DLC1: variants seen among roughly 807,000 people sequenced by gnomAD.
DLC1 encodes the protein DLC1 Rho GTPase activating protein, also known as rho GTPase-activating protein 7.
DLC1 carries 54 observed loss-of-function variants against 140.3 expected under a neutral mutation model. That is an observed-to-expected ratio of 0.38 (90% CI 0.31 to 0.48). The LOEUF is 0.48. DLC1 is among the 20% of genes least tolerant of loss of function. DLC1 has a pLI of 0.96. For missense variants in DLC1, 2,536 were observed against 1,907.0 expected (o/e 1.33, Z -6.14); for synonymous variants, 986 against 728.1 (o/e 1.35, Z -5.70).
At chr8:13,255,416 T>A (rs7010017) in intron 5 of DLC1, among the ~76,000 whole-genome samples, 13,846 of 152,272 alleles carry the variant, frequency 0.091, 721 homozygotes, top group South Asian at 0.17. Context: ...TAAATGACAT[T>A]ATTGTCATTT....
intron 5 of DLC1, among the ~76,000 whole-genome samples, chr8:13,202,406 C>G (rs551181270): frequency 4.6e-5 from 7 of 152,224 alleles, no homozygotes; most frequent in Non-Finnish European, 1.0e-4. Context: ...CAAACACTTG[C>G]CATTTCTTTG....
At chr8:13,097,599 A>G (rs1018886103) in intron 10 of DLC1, among the ~76,000 whole-genome samples, 1 of 152,192 alleles carries the variant, frequency 6.6e-6, no homozygotes, top group Non-Finnish European at 1.5e-5. Flanking sequence ...GAATACGGTT[A>G]TAAGACCAGG....
chr8:13,528,431 T>A (rs1156431212), intron 1 of DLC1, among the ~76,000 whole-genome samples: 1 of 152,196 alleles, frequency 6.6e-6, no homozygotes, highest in Non-Finnish European at 1.5e-5. Context: ...GCAAAAACGT[T>A]GCCAAAATTC....
At chr8:13,473,458 G>T (rs977989319) in intron 2 of DLC1, among the ~76,000 whole-genome samples, 1 of 152,088 alleles carries the variant, frequency 6.6e-6, no homozygotes, top group Admixed American at 6.6e-5. Flanking sequence ...TCTTCCTTCT[G>T]CCATGATACA....
chr8:13,237,891 GAAAGAAAGAAAGA>G (rs1829363144), intron 5 of DLC1, among the ~76,000 whole-genome samples: 2 of 150,950 alleles, frequency 1.3e-5, no homozygotes, highest in South Asian at 4.2e-4. Context: ...TACATATATT[GAAAGAAAGAAAGA>G]AAAGAAAGAA....
rs979010299 is a variant in DLC1 at position 13,088,756 on chromosome 8, T to A, written c.4075-52A>T. On this transcript the variant is annotated intron_variant, in intron 15 of 17. Transcript: ENST00000276297. ...CCAAGGCAATCCATACACACCTAGT[T>A]TTTGAAGTCGAATTGTTAGTTAGAC... The A allele has an allele frequency of 2.6e-6, 4 of 1,552,404 alleles. No homozygotes were observed. The African/African-American group carries it at 5.5e-5, about 21-fold the overall frequency.
rs1339142439 is a variant in DLC1 at position 13,431,178 on chromosome 8, C to G, written c.1024-29559G>C. ...GAAGTCCAAGAGGATGACTGAGGCA[C>G]AGATGTGTTCAAGAATCAAGCATTG... On this transcript the variant is annotated intron_variant, in intron 2 of 17. Coordinates refer to ENST00000276297, the MANE Select transcript of DLC1 (RefSeq NM_182643.3). Among the ~76,000 whole-genome samples the G allele has an allele frequency of 3.3e-5, 5 of 152,074 alleles. No homozygotes were observed. The South Asian group carries it at 1.0e-3, about 31-fold the overall frequency.
intron 1 of DLC1, chr8:13,567,042 C>T: frequency 1.3e-6 from 2 of 1,551,608 alleles, no homozygotes; most frequent in Non-Finnish European, 1.7e-6. Flanking sequence ...CTCTTGCAAA[C>T]CTTTCTGATG....
At chr8:13,262,711 C>T (rs1393221748) in intron 5 of DLC1, among the ~76,000 whole-genome samples, 3 of 152,164 alleles carry the variant, frequency 2.0e-5, no homozygotes, top group African/African-American at 7.2e-5. Flanking sequence ...CAGGCATGAG[C>T]CACTGCGCCT....
Position 13,283,313 on chromosome 8 carries a change from C to T in DLC1, c.1348+21956G>A, listed in dbSNP as rs1479884614. On this transcript the variant is annotated intron_variant, in intron 5 of 17. Coordinates refer to ENST00000276297, the MANE Select transcript of DLC1 (RefSeq NM_182643.3). ...ACTGAAACACACACACACACACACACACACACACACACAGAAAAGAAATCA... is the reference window on the plus strand; with the variant it reads ...ACTGAAACACACACACACACACACATACACACACACACAGAAAAGAAATCA... Among the ~76,000 whole-genome samples the T allele has an allele frequency of 3.3e-5, 5 of 151,732 alleles. No individual in the cohort carries two copies. In the East Asian group the frequency reaches 9.6e-4, roughly 29 times the overall value.
intron 10 of DLC1, chr8:13,095,513 C>G (rs1818436283): frequency 2.3e-6 from 1 of 437,022 alleles, no homozygotes; most frequent in African/African-American, 2.0e-5. Context: ...TTCTCCTGGA[C>G]AGTGCTGTTC....
At chr8:13,488,486 T>C (rs1209706871) in intron 2 of DLC1, among the ~76,000 whole-genome samples, 1 of 152,074 alleles carries the variant, frequency 6.6e-6, no homozygotes, top group Non-Finnish European at 1.5e-5. Context: ...AGCTAAAAAA[T>C]AGAAGTTTGA....
chr8:13,595,529 G>A (rs551770658), intron 1 of DLC1, among the ~76,000 whole-genome samples: 43 of 152,102 alleles, frequency 2.8e-4, no homozygotes, highest in African/African-American at 9.9e-4. Flanking sequence ...ATAAATACCA[G>A]ATAAATGTTA....
At chr8:13,361,652 A>G (rs546473896) in intron 4 of DLC1, among the ~76,000 whole-genome samples, 123 of 152,260 alleles carry the variant, frequency 8.1e-4, no homozygotes, top group Admixed American at 1.9e-3. Context: ...TCCCCTTTAC[A>G]TATTATTATT....
At chr8:13,417,863 C>A (rs1324714928) in intron 2 of DLC1, among the ~76,000 whole-genome samples, 2 of 152,186 alleles carry the variant, frequency 1.3e-5, no homozygotes, top group African/African-American at 2.4e-5. Context: ...CACATCCTCT[C>A]CAGCACCTGT....
intron 5 of DLC1, among the ~76,000 whole-genome samples, chr8:13,267,662 A>G (rs1366259665): frequency 6.6e-6 from 1 of 151,994 alleles, no homozygotes; most frequent in Non-Finnish European, 1.5e-5. Context: ...TACACCAGCA[A>G]CCTATAACTC....
At chr8:13,426,728 C>A (rs184338448) in intron 2 of DLC1, among the ~76,000 whole-genome samples, 27 of 152,218 alleles carry the variant, frequency 1.8e-4, no homozygotes, top group African/African-American at 6.3e-4. Flanking sequence ...TTTCTATGTT[C>A]TTCATATTTC....
At chr8:13,359,190 G>A (rs56061330) in intron 4 of DLC1, among the ~76,000 whole-genome samples, 28,719 of 152,070 alleles carry the variant, frequency 0.19, 3,007 homozygotes, top group Non-Finnish European at 0.24. Flanking sequence ...CCAGTGCCTC[G>A]GCCTCCCAAA....
intron 4 of DLC1, among the ~76,000 whole-genome samples, chr8:13,390,446 T>C (rs182032993): frequency 6.6e-6 from 1 of 152,220 alleles, no homozygotes. Flanking sequence ...TACATGTACA[T>C]GTGTCTTTAT....
Sources: gnomAD v4.1 joint callset for allele counts (sites outside exome capture counted in the v4.1 genomes callset) on GRCh38, gnomAD v4.1.1 for gene constraint, MANE v1.5 for transcripts, NCBI Gene and HGNC (gene_info 2026-07-23, HGNC 2026-07-21) for gene names.